Variants in PTPRN2 observed in about 807,000 individuals in gnomAD.
The protein encoded by PTPRN2 is protein tyrosine phosphatase receptor type N2, also known as receptor-type tyrosine-protein phosphatase N2.
PTPRN2 carries 74 observed loss-of-function variants against 118.8 expected under a neutral mutation model. That is an observed-to-expected ratio of 0.62 (90% CI 0.52 to 0.76). The LOEUF (loss-of-function observed/expected upper bound fraction) is 0.76. Ranked by LOEUF, PTPRN2 falls within the 30% of genes least tolerant of loss-of-function variation. PTPRN2 has a pLI of 0.00. For synonymous variants in PTPRN2, 641 were observed against 608.0 expected, an observed-to-expected ratio of 1.05 and a Z score of -0.80; for missense variants, 1,481 against 1,394.4, an observed-to-expected ratio of 1.06 and a Z score of -0.99.
chr7:158,205,773 G>T (rs1438428121), intron 3 of PTPRN2, among the ~76,000 whole-genome samples: 1 of 152,192 alleles, frequency 6.6e-6, no homozygotes, highest in Non-Finnish European at 1.5e-5. Flanking sequence ...GCATGCACTT[G>T]GGAGAGAGAG....
intron 12 of PTPRN2, among the ~76,000 whole-genome samples, chr7:157,867,350 C>T (rs1810761119): frequency 7.5e-6 from 1 of 132,658 alleles, no homozygotes; most frequent in Non-Finnish European, 1.6e-5. Flanking sequence ...GGATACACGG[C>T]CACCACCCCG....
chr7:157,662,529 G>C (rs912321863), intron 13 of PTPRN2, among the ~76,000 whole-genome samples: 1 of 152,226 alleles, frequency 6.6e-6, no homozygotes. Context: ...CGTGGGGCCG[G>C]GAGGAGGGGA....
intron 11 of PTPRN2, among the ~76,000 whole-genome samples, chr7:158,013,345 C>T (rs182277962): frequency 2.2e-3 from 329 of 152,278 alleles, no homozygotes; most frequent in African/African-American, 7.4e-3. Flanking sequence ...TATTCTCCAG[C>T]AAACCATTCA....
intron 2 of PTPRN2, among the ~76,000 whole-genome samples, chr7:158,398,563 G>C (rs140596660): frequency 6.6e-6 from 1 of 152,284 alleles, no homozygotes; most frequent in African/African-American, 2.4e-5. Flanking sequence ...TCTTATTTTA[G>C]GGTTTATTTT....
At chr7:157,864,513 A>G (rs1810485839) in intron 12 of PTPRN2, 1 of 152,210 alleles carries the variant, frequency 6.6e-6, no homozygotes, top group Non-Finnish European at 1.5e-5. Flanking sequence ...GATTGAGAGG[A>G]TGGTGGGGTC....
chr7:158,158,374 A>G (rs1822029935), intron 6 of PTPRN2, among the ~76,000 whole-genome samples: 1 of 152,252 alleles, frequency 6.6e-6, no homozygotes, highest in South Asian at 2.1e-4. Flanking sequence ...CACCACCAAC[A>G]CGACAAGGAA....
intron 12 of PTPRN2, among the ~76,000 whole-genome samples, chr7:157,750,321 T>C (rs573559567): frequency 1.3e-5 from 2 of 152,320 alleles, no homozygotes; most frequent in South Asian, 2.1e-4. Flanking sequence ...AACAATCAAA[T>C]CTCTGGGTCT....
chr7:157,639,135 C>G (rs1247724131), intron 14 of PTPRN2, among the ~76,000 whole-genome samples: 1 of 151,514 alleles, frequency 6.6e-6, no homozygotes, highest in African/African-American at 2.4e-5. Flanking sequence ...CTCCTGGGTT[C>G]AAGTGATTCT....
At chr7:157,608,433 T>C (rs779216228) in intron 15 of PTPRN2, among the ~76,000 whole-genome samples, 5 of 152,154 alleles carry the variant, frequency 3.3e-5, no homozygotes, top group Admixed American at 6.5e-5. Context: ...GGAGCCATCC[T>C]GGGAGGGCCA....
At chr7:158,081,232 GTT>G in intron 11 of PTPRN2, 64 bp downstream of exon 11, 1 of 1,449,528 alleles carries the variant, frequency 6.9e-7, no homozygotes, top group Admixed American at 1.7e-5. Flanking sequence ...GCATGTGCGT[GTT>G]TGCGTGCGTG....
chr7:158,109,504 A>G (rs912190640), intron 10 of PTPRN2, among the ~76,000 whole-genome samples: 1 of 151,712 alleles, frequency 6.6e-6, no homozygotes, highest in Non-Finnish European at 1.5e-5. Context: ...GGGGCCAGTG[A>G]GTGAATGACG....
At chr7:157,834,995 A>T (rs571153666) in intron 12 of PTPRN2, among the ~76,000 whole-genome samples, 5 of 152,304 alleles carry the variant, frequency 3.3e-5, no homozygotes, top group African/African-American at 1.2e-4. Flanking sequence ...GAGCTGGGGC[A>T]GTGATGAGCT....
At chr7:157,595,935 C>T (rs186992089) in intron 16 of PTPRN2, among the ~76,000 whole-genome samples, 5 of 152,274 alleles carry the variant, frequency 3.3e-5, no homozygotes, top group South Asian at 4.1e-4. Flanking sequence ...GGCAGGCAGC[C>T]GTTGTTAGCC....
At chr7:157,730,620 G>A (rs970663379) in intron 12 of PTPRN2, among the ~76,000 whole-genome samples, 1 of 152,200 alleles carries the variant, frequency 6.6e-6, no homozygotes, top group East Asian at 1.9e-4. Flanking sequence ...AAAATGCAGT[G>A]AGATTGCTTC....
At chr7:158,361,810 T>A (rs1308096214) in intron 2 of PTPRN2, among the ~76,000 whole-genome samples, 1 of 152,114 alleles carries the variant, frequency 6.6e-6, no homozygotes, top group African/African-American at 2.4e-5. Flanking sequence ...CCACAGATGG[T>A]CTGGCTGGGG....
chr7:158,061,241 G>A (rs909325160), intron 11 of PTPRN2, among the ~76,000 whole-genome samples: 43 of 152,354 alleles, frequency 2.8e-4, no homozygotes, highest in Admixed American at 5.2e-4. Flanking sequence ...CAGAGAGTGC[G>A]CGTCCCGCCT....
intron 11 of PTPRN2, among the ~76,000 whole-genome samples, chr7:157,973,396 G>A (rs1006188088): frequency 1.3e-5 from 2 of 152,082 alleles, no homozygotes; most frequent in African/African-American, 4.8e-5. Context: ...CAGGGGGTAG[G>A]CTCTTCAATA....
chr7:158,034,409 C>A (rs1339250668), intron 11 of PTPRN2, among the ~76,000 whole-genome samples: 1 of 152,186 alleles, frequency 6.6e-6, no homozygotes, highest in Non-Finnish European at 1.5e-5. Context: ...ATCATGGGGG[C>A]AGGTCTTTCC....
intron 9 of PTPRN2, among the ~76,000 whole-genome samples, chr7:158,119,765 T>C (rs1235506734): frequency 6.6e-6 from 1 of 152,158 alleles, no homozygotes; most frequent in Non-Finnish European, 1.5e-5. Flanking sequence ...GGAAAAGCCA[T>C]AGTTTATATA....
Sources: gnomAD v4.1 joint callset for allele counts (sites outside exome capture counted in the v4.1 genomes callset) on GRCh38, gnomAD v4.1.1 for gene constraint, MANE v1.5 for transcripts, NCBI Gene and HGNC (gene_info 2026-07-23, HGNC 2026-07-21) for gene names.